The following NAV1 variants were observed in gnomAD, a reference collection of about 807,000 sequenced individuals.
NAV1 encodes the protein neuron navigator 1.
Under a neutral mutation model 175.2 loss-of-function variants are expected in NAV1, and 18 were observed. The ratio of observed to expected loss-of-function variants is 0.10; its 90% confidence interval spans 0.07 to 0.15. The LOEUF (loss-of-function observed/expected upper bound fraction) is 0.15. NAV1 is among the 10% of genes least tolerant of loss of function. NAV1 has a pLI of 1.00. For missense variants in NAV1, 1,731 were observed against 2,436.6 expected, an observed-to-expected ratio of 0.71 and a Z score of 6.10; for synonymous variants, 897 against 978.7, an observed-to-expected ratio of 0.92 and a Z score of 1.56.
intron 1 of NAV1, among the ~76,000 whole-genome samples, chr1:201,581,179 G>T (rs1226912982): frequency 6.6e-6 from 1 of 152,188 alleles, no homozygotes; most frequent in African/African-American, 2.4e-5. Context: ...GACAGGGCAG[G>T]GAGTGGAGAG....
intron 1 of NAV1, among the ~76,000 whole-genome samples, chr1:201,553,174 T>C (rs1051358095): frequency 1.3e-5 from 2 of 152,248 alleles, no homozygotes; most frequent in African/African-American, 4.8e-5. Flanking sequence ...TCGAGGCTTG[T>C]GAGCCAAAAT....
intron 3 of NAV1, chr1:201,719,576 G>A (rs934490152): frequency 3.3e-5 from 5 of 152,592 alleles, no homozygotes; most frequent in African/African-American, 1.2e-4. Context: ...GAGGATAGAA[G>A]AGAGGATAGG....
At chr1:201,699,700 G>A (rs1671335138) in intron 1 of NAV1, among the ~76,000 whole-genome samples, 1 of 152,170 alleles carries the variant, frequency 6.6e-6, no homozygotes, top group African/African-American at 2.4e-5. Flanking sequence ...ATACTACAAG[G>A]CTACAGTAAC....
At chr1:201,648,920 C>A in exon 1 of NAV1, 1 of 1,612,904 alleles carries the variant, frequency 6.2e-7, no homozygotes, top group Non-Finnish European at 8.5e-7. Flanking sequence ...CCGCCTCCAA[C>A]CTGCGCAAGC....
chr1:201,673,324 A>G (rs1670119095), intron 1 of NAV1: 1 of 152,198 alleles, frequency 6.6e-6, no homozygotes, highest in East Asian at 1.9e-4. Flanking sequence ...GGAGGCACAC[A>G]CTTATCAGAT....
At chr1:201,666,807 G>A (rs1669841054) in intron 1 of NAV1, among the ~76,000 whole-genome samples, 1 of 152,214 alleles carries the variant, frequency 6.6e-6, no homozygotes, top group Non-Finnish European at 1.5e-5. Flanking sequence ...CAGATTCAAG[G>A]ACTTGGGGTT....
At chr1:201,673,036 A>C (rs543365060) in intron 1 of NAV1, 1 of 152,370 alleles carries the variant, frequency 6.6e-6, no homozygotes, top group South Asian at 2.1e-4. Flanking sequence ...ACAAAAAAAA[A>C]TACTGCCGTT....
At chr1:201,685,716 A>G (rs927795200) in intron 1 of NAV1, among the ~76,000 whole-genome samples, 2 of 152,196 alleles carry the variant, frequency 1.3e-5, no homozygotes, top group African/African-American at 4.8e-5. Flanking sequence ...AACCAAGTCC[A>G]CAAGACTTGA....
intron 13 of NAV1, chr1:201,791,056 T>TAAC (rs146637737): frequency 0.027 from 9,872 of 362,042 alleles, 305 homozygotes; most frequent in South Asian, 0.096. Context: ...TGATTACCAG[T>TAAC]GGTTCTGCAT....
intron 1 of NAV1, among the ~76,000 whole-genome samples, chr1:201,584,530 G>A (rs1317838160): frequency 1.3e-5 from 2 of 152,216 alleles, no homozygotes; most frequent in Non-Finnish European, 1.5e-5. Context: ...GTCAGGCATT[G>A]GATCTTGTTT....
intron 1 of NAV1, among the ~76,000 whole-genome samples, chr1:201,704,320 T>C (rs560935): frequency 3.9e-5 from 6 of 152,212 alleles, no homozygotes; most frequent in Non-Finnish European, 7.3e-5. Flanking sequence ...CGAGACGCTG[T>C]CCACCTCGCT....
chr1:201,720,423 C>T (rs753486165), intron 3 of NAV1, among the ~76,000 whole-genome samples: 10 of 152,068 alleles, frequency 6.6e-5, no homozygotes, highest in Non-Finnish European at 1.0e-4. Context: ...ATGGAGGTGA[C>T]GGGGCCCCTG....
chr1:201,789,281 A>G (rs1336923396), intron 10 of NAV1, among the ~76,000 whole-genome samples: 3 of 152,114 alleles, frequency 2.0e-5, no homozygotes, highest in Non-Finnish European at 4.4e-5. Context: ...CCTCACTTAA[A>G]TATTGTTTTC....
chr1:201,544,964 C>T (rs529517984), intron 1 of NAV1, among the ~76,000 whole-genome samples: 1 of 152,288 alleles, frequency 6.6e-6, no homozygotes, highest in South Asian at 2.1e-4. Flanking sequence ...ATTGACTTTG[C>T]ACCTGAAGTC....
At chr1:201,795,189 C>T (rs577793518) in intron 15 of NAV1, 1 of 152,582 alleles carries the variant, frequency 6.6e-6, no homozygotes, top group Non-Finnish European at 1.5e-5. Flanking sequence ...TCCCAGCTTT[C>T]ATTGCTTTTT....
chr1:201,625,556 G>C (rs1406295442), intron 1 of NAV1, among the ~76,000 whole-genome samples: 1 of 152,172 alleles, frequency 6.6e-6, no homozygotes, highest in Non-Finnish European at 1.5e-5. Context: ...TTTTCCTAAG[G>C]GGCAACTCAC....
intron 1 of NAV1, among the ~76,000 whole-genome samples, chr1:201,581,696 G>T (rs927460005): frequency 1.3e-5 from 2 of 152,086 alleles, no homozygotes; most frequent in Non-Finnish European, 2.9e-5. Context: ...GGGTGTCGTG[G>T]TGGGCGCCTG....
At position 201,671,668 on chromosome 1, in the gene NAV1, T is replaced by C. The variant is rs190324707; in HGVS notation, c.757+22243T>C. On this transcript the variant is annotated intron_variant, in intron 1 of 29. Transcript: ENST00000367296. ...TGCACTCCTAAGCGTTGGGTGGACG[T>C]CACTGGGAGATGCAGACCCTGGGCA... Among the ~76,000 whole-genome samples the C allele has an allele frequency of 1.9e-3, 296 of 152,300 alleles. 3 individuals are homozygous for C. The highest frequency in any genetic ancestry group is 3.4e-3 in the Middle Eastern group (1 of 294).
intron 1 of NAV1, among the ~76,000 whole-genome samples, chr1:201,656,943 C>A (rs377364135): frequency 2.0e-4 from 31 of 152,268 alleles, no homozygotes; most frequent in African/African-American, 7.5e-4. Context: ...CCTTGGTGAC[C>A]CACTAACCAG....
Sources: allele counts gnomAD v4.1 joint callset (sites outside exome capture counted in the v4.1 genomes callset), GRCh38; gene constraint gnomAD v4.1.1; transcripts MANE v1.5; gene names NCBI Gene and HGNC (gene_info 2026-07-23, HGNC 2026-07-21).